The following PSMD3 variants were observed in gnomAD, a reference collection of about 807,000 sequenced individuals.
PSMD3 encodes the protein proteasome 26S subunit, non-ATPase 3.
PSMD3 carries 5 observed loss-of-function variants against 62.8 expected under a neutral mutation model. That is an observed-to-expected ratio of 0.08 (90% CI 0.04 to 0.17). The LOEUF is 0.17. Among genes scored for constraint, PSMD3 ranks in the 10% least tolerant of loss-of-function variants. The probability of loss-of-function intolerance (pLI) is 1.00; values close to 1 mark genes in which losing one functional copy is unlikely to be tolerated. For missense variants in PSMD3, 524 were observed against 713.6 expected, an observed-to-expected ratio of 0.73 and a Z score of 3.03; for synonymous variants, 265 against 283.9, an observed-to-expected ratio of 0.93 and a Z score of 0.67.
intron 2 of PSMD3, 25 bp from the exon 3 acceptor site, chr17:39,986,550 C>T (rs748097085): frequency 2.5e-6 from 4 of 1,612,904 alleles, no homozygotes; most frequent in East Asian, 4.5e-5. Context: ...TGAGCTTTTC[C>T]ATGGTAACTT....
chr17:39,984,360 G>A lies in PSMD3; in HGVS notation c.287G>A (p.Arg96Gln), dbSNP rs760881387. The change falls in exon 2 of 12, where the codon CGG becomes CAG. Residue 96 changes from arginine to glutamine, a missense_variant. This residue lies in a region of PSMD3 where 396 missense variants were observed against 475.8 expected (regional missense o/e 0.83). Transcript: ENST00000264639. ...GGCAAGGAGCCGAGATTCGTGCTGC[G>A]GGCCCTGCGGATGCTGCCTTCCACA... ...VSGKEPRFVL[R>Q]ALRMLPSTSR... is the part of the protein sequence containing the mutation. The A allele has an allele frequency of 1.9e-6, 3 of 1,613,620 alleles. No homozygotes were observed. The highest frequency in any genetic ancestry group is 1.3e-5 in the African/African-American group (1 of 74,858).
chr17:39,992,538 G>C (rs890388437), intron 6 of PSMD3, among the ~76,000 whole-genome samples: 77 of 152,324 alleles, frequency 5.1e-4, no homozygotes, highest in African/African-American at 1.8e-3. Flanking sequence ...GGGCGGTGCT[G>C]GCTCATCCTG....
chr17:39,989,837 G>C lies in PSMD3; in HGVS notation c.785G>C (p.Ser262Thr). The C allele has an allele frequency of 6.2e-7, 1 of 1,614,230 alleles. No individual in the cohort carries two copies. Among genetic ancestry groups the C allele is most frequent in the Non-Finnish European group, 8.5e-7 (1 of 1,180,042 alleles). The change falls in exon 5 of 12, where the codon AGC (serine) becomes ACC (threonine). Residue 262 changes from serine (S) to threonine (T), a missense_variant. By Grantham distance (58) the Ser-to-Thr change is moderately conservative. Coordinates refer to ENST00000264639, the MANE Select transcript of PSMD3 (RefSeq NM_002809.4). ...NLLLRNYLHY[S>T]LYDQAEKLVS... Reference sequence around the variant, plus strand: ...CTGCTGCGGAATTACCTACACTACAGCTTGTACGACCAGGCTGAGAAGCTG... The same window carrying C: ...CTGCTGCGGAATTACCTACACTACACCTTGTACGACCAGGCTGAGAAGCTG...
chr17:39,996,665 G>A lies in PSMD3; in HGVS notation c.1476+327G>A, dbSNP rs1980791962. The A allele has an allele frequency of 1.9e-6, 1 of 521,016 alleles. No individual in the cohort carries two copies. Among genetic ancestry groups the A allele is most frequent in the South Asian group, 1.5e-5 (1 of 65,162 alleles). The allele number at this position is 521,016 out of a possible 1,614,324, so 32.3% of individuals were successfully genotyped here. A position where few individuals can be genotyped will look rare whatever the true frequency, so the allele number is the denominator to read the frequency against. On this transcript the variant is annotated intron_variant, in intron 10 of 11. Coordinates refer to ENST00000264639, the MANE Select transcript of PSMD3 (RefSeq NM_002809.4). The surrounding 1 kb of genome is among the most constrained non-coding windows in gnomAD (Gnocchi z 5.1). Reference sequence around the variant, plus strand: ...GCTCTGTTTCTCCATCTCTGAAGCTGATAGGGAGGTGTTACCTGTCTTGCT... The same window carrying A: ...GCTCTGTTTCTCCATCTCTGAAGCTAATAGGGAGGTGTTACCTGTCTTGCT...
Position 39,984,293 on chromosome 17 carries a change from G to T in PSMD3, c.221-1G>T. On this transcript the variant is annotated splice_acceptor_variant, in intron 1 of 11. Coordinates refer to ENST00000264639, the MANE Select transcript of PSMD3 (RefSeq NM_002809.4). LOFTEE classifies it high-confidence loss of function. ...TCATTTTCTTCTCTGCTCTTCTTCA[G>T]ACATCAAGGAGCACGTGAAACAGCT... The T allele has an allele frequency of 6.2e-7, 1 of 1,606,888 alleles. No homozygotes were observed.
chr17:39,981,076 G>C lies in PSMD3; in HGVS notation c.106G>C (p.Glu36Gln). 1 of 1,550,618 alleles carries C rather than the reference G, an allele frequency of 6.4e-7. No individual in the cohort carries two copies. Among genetic ancestry groups the C allele is most frequent in the Non-Finnish European group, 8.7e-7 (1 of 1,146,776 alleles). ...PPPPPAPQDVEMKEEAATGGG... is the reference protein window; with the variant it reads ...PPPPPAPQDVQMKEEAATGGG... ...ACCGCCGCCGGCCCCCCAGGATGTG[G>C]AGATGAAAGAGGAGGCAGCGACGGG... The change falls in exon 1 of 12, where the codon GAG becomes CAG. Residue 36 changes from glutamate to glutamine, a missense_variant. Glu to Gln is a conservative substitution (Grantham distance 29). Transcript: ENST00000264639.
chr17:39,996,221 C>T lies in PSMD3; in HGVS notation c.1359C>T (p.His453=), dbSNP rs747964278. The change falls in exon 10 of 12, where the codon CAC becomes CAT. Residue 453 remains histidine, a synonymous_variant. Transcript: ENST00000264639. The surrounding 1 kb of genome is among the most constrained non-coding windows in gnomAD (Gnocchi z 5.1). The part of the protein sequence containing the change: ...RDGVIEASIN[H]EKGYVQSKEM... ...GTGTCATTGAGGCCAGCATCAACCA[C>T]GAGAAGGGCTATGTCCAATCCAAGG... is the stretch of plus-strand genomic sequence containing the variant. The T allele has an allele frequency of 3.9e-5, 63 of 1,613,932 alleles. No individual in the cohort carries two copies. The highest frequency in any genetic ancestry group is 2.5e-4 in the South Asian group (23 of 91,072).
intron 1 of PSMD3, among the ~76,000 whole-genome samples, chr17:39,984,071 G>T (rs934891877): frequency 7.2e-5 from 11 of 152,006 alleles, no homozygotes; most frequent in African/African-American, 2.7e-4. Flanking sequence ...GTGGTGGCGG[G>T]TGCCTGTAGT....
At chr17:39,985,028 G>C (rs1980489835) in intron 2 of PSMD3, among the ~76,000 whole-genome samples, 1 of 152,176 alleles carries the variant, frequency 6.6e-6, no homozygotes, top group Non-Finnish European at 1.5e-5. Flanking sequence ...AGGAGTTTGA[G>C]ACCAGCCTGG....
rs1335757102 is a variant in PSMD3 at position 39,995,076 on chromosome 17, T to C, written c.1096+8T>C. 1.2e-6 allele frequency: 2 copies of C among 1,614,090 alleles called. No homozygotes were observed. Among genetic ancestry groups the C allele is most frequent in the South Asian group, 1.1e-5 (1 of 91,084 alleles). On this transcript the variant is annotated splice_region_variant and intron_variant, in intron 7 of 11. Transcript: ENST00000264639. The surrounding 1 kb of genome is among the most constrained non-coding windows in gnomAD (Gnocchi z 4.1). The stretch of plus-strand genomic sequence containing the variant: ...ATTTCCTTCTGACTCAAGGTAAGGC[T>C]GGCTTCCCCACCCCAGAGCCCACTA...
chr17:39,981,224 C>T (rs1422892660), intron 1 of PSMD3, 34 bp downstream of exon 1: 1 of 1,548,220 alleles, frequency 6.5e-7, no homozygotes, highest in Admixed American at 2.0e-5. Flanking sequence ...GTGCCGCGAT[C>T]GCGGGTGACA....
intron 3 of PSMD3, among the ~76,000 whole-genome samples, chr17:39,988,144 G>A (rs1197790073): frequency 6.6e-6 from 1 of 152,138 alleles, no homozygotes; most frequent in Non-Finnish European, 1.5e-5. Context: ...GTGGGTTTTA[G>A]TATATTCCCA....
In PSMD3 at chr17:39,984,401, C is replaced by A; in HGVS notation, c.328C>A (p.His110Asn). The change falls in exon 2 of 12, where the codon CAC becomes AAC. Residue 110 changes from histidine (H) to asparagine (N), a missense_variant. Physicochemically the swap from His to Asn is moderately conservative, Grantham distance 68. This residue lies in a region of PSMD3 where 396 missense variants were observed against 475.8 expected (regional missense o/e 0.83). Coordinates refer to ENST00000264639, the MANE Select transcript of PSMD3 (RefSeq NM_002809.4). ...MLPSTSRRLN[H>N]YVLYKAVQGF... ...GCCTTCCACATCACGCCGCCTCAAC[C>A]ACTATGTTCTGTATAAGGCTGTGCA... 1 of 1,613,846 alleles carries A rather than the reference C, an allele frequency of 6.2e-7. No homozygotes were observed. The highest frequency in any genetic ancestry group is 8.5e-7 in the Non-Finnish European group (1 of 1,180,018).
chr17:39,983,857 G>A (rs555687735), intron 1 of PSMD3, among the ~76,000 whole-genome samples: 1 of 152,256 alleles, frequency 6.6e-6, no homozygotes, highest in South Asian at 2.1e-4. Flanking sequence ...CCCCATTAGG[G>A]CAGAAAAGGT....
In PSMD3 at chr17:39,996,082, G is replaced by A. The variant is rs1457636743; in HGVS notation, c.1321-101G>A. 16 of 1,431,372 alleles carry A rather than the reference G, an allele frequency of 1.1e-5. No homozygotes were observed. The highest frequency in any genetic ancestry group is 2.3e-5 in the East Asian group (1 of 43,584). 88.7% of individuals were successfully genotyped at this position (1,431,372 alleles called of 1,614,324 possible). On this transcript the variant is annotated intron_variant, in intron 9 of 11. Transcript: ENST00000264639. The surrounding 1 kb of genome is among the most constrained non-coding windows in gnomAD (Gnocchi z 5.1). ...TGCAGTGAGCTGAGATCGCACCACC[G>A]CACTCTCCTGCCTGGGTGACAGAGC... is the stretch of plus-strand genomic sequence containing the variant.
chr17:39,988,964 C>A, intron 4 of PSMD3, 145 bp downstream of exon 4: 1 of 1,106,918 alleles, frequency 9.0e-7, no homozygotes, highest in Non-Finnish European at 1.3e-6. Flanking sequence ...CCCTGCGCCA[C>A]GTGAGGGGTG....
intron 1 of PSMD3, among the ~76,000 whole-genome samples, 182 bp from the exon 2 acceptor site, chr17:39,984,112 A>G (rs1354945147): frequency 6.9e-6 from 1 of 145,868 alleles, no homozygotes; most frequent in East Asian, 2.1e-4. Context: ...AGGCAGGAGA[A>G]TGGTGTGAAC....
At chr17:39,988,486 C>T (rs1002592750) in intron 3 of PSMD3, among the ~76,000 whole-genome samples, 197 bp from the exon 4 acceptor site, 2 of 152,148 alleles carry the variant, frequency 1.3e-5, no homozygotes, top group African/African-American at 2.4e-5. Flanking sequence ...CATCAGCTGA[C>T]GGGCACCTGG....
At chr17:39,989,966 T>A (rs777437527) in intron 5 of PSMD3, 37 bp downstream of exon 5, 3 of 1,599,042 alleles carry the variant, frequency 1.9e-6, no homozygotes, top group Non-Finnish European at 2.6e-6. Context: ...TCAGAAGGTG[T>A]CTCAGGCCTG....
Sources: allele counts gnomAD v4.1 joint callset (sites outside exome capture counted in the v4.1 genomes callset), GRCh38; gene constraint gnomAD v4.1.1; regional missense constraint gnomAD v4.1.1; non-coding constraint Gnocchi (gnomAD v3.1); transcripts MANE v1.5; gene names NCBI Gene and HGNC (gene_info 2026-07-23, HGNC 2026-07-21).